Variants in OTUB1 observed in about 807,000 individuals in gnomAD.
The protein encoded by OTUB1 is OTU deubiquitinase, ubiquitin aldehyde binding 1.
A neutral mutation model predicts 35.8 loss-of-function variants in OTUB1; 10 were observed. The ratio of observed to expected loss-of-function variants is 0.28; its 90% confidence interval spans 0.17 to 0.47. The LOEUF (loss-of-function observed/expected upper bound fraction) is 0.47. Ranked by LOEUF, OTUB1 falls within the 20% of genes least tolerant of loss-of-function variation. The pLI, the probability that OTUB1 is intolerant of heterozygous loss-of-function variation, is 0.99. For missense variants in OTUB1, 264 were observed against 351.6 expected (o/e 0.75, Z 1.99); for synonymous variants, 158 against 143.8 (o/e 1.10, Z -0.71).
chr11:63,998,172 G>T lies in OTUB1; in HGVS notation c.*626G>T. On this transcript the variant is annotated 3_prime_UTR_variant, in exon 7 of 7. Coordinates refer to ENST00000538426, the MANE Select transcript of OTUB1 (RefSeq NM_017670.3). ...TGGTGGGGGAGGGCAGCCTTCAAACGTGTGGGGTCTACAGTCCTCAGGTCT... is the reference window on the plus strand; with the variant it reads ...TGGTGGGGGAGGGCAGCCTTCAAACTTGTGGGGTCTACAGTCCTCAGGTCT... 3.8e-6 allele frequency: 1 copy of T among 265,320 alleles called. No individual in the cohort carries two copies. Among genetic ancestry groups the T allele is most frequent in the South Asian group, 4.6e-5 (1 of 21,828 alleles). The allele number at this position is 265,320 out of a possible 1,614,324, so 16.4% of individuals were successfully genotyped here. A position where few individuals can be genotyped will look rare whatever the true frequency, so the allele number is the denominator to read the frequency against.
In OTUB1 at chr11:63,997,581, C is replaced by A. The variant is rs1477342238; in HGVS notation, c.*35C>A. On this transcript the variant is annotated 3_prime_UTR_variant, in exon 7 of 7. Coordinates refer to ENST00000538426, the MANE Select transcript of OTUB1 (RefSeq NM_017670.3). ...CAGCCCGCTGCTGCCCTGCTGCCCCCCTCTGCCAGGCGCTAGACATGTACA... is the reference window on the plus strand; with the variant it reads ...CAGCCCGCTGCTGCCCTGCTGCCCCACTCTGCCAGGCGCTAGACATGTACA... 6.3e-7 allele frequency: 1 copy of A among 1,578,476 alleles called. No individual in the cohort carries two copies. Among genetic ancestry groups the A allele is most frequent in the Non-Finnish European group, 8.7e-7 (1 of 1,148,988 alleles).
Position 63,997,074 on chromosome 11 carries a change from GAGA to G in OTUB1, c.451_453del (p.Lys151del). On this transcript the variant is annotated inframe_deletion, in exon 6 of 7. Coordinates refer to ENST00000538426, the MANE Select transcript of OTUB1 (RefSeq NM_017670.3). ...GTTCATGGACCTGATTGAGCAGGTG[GAGA>G]AGCAGACCTCTGTCGCCGACCTGCT... is the stretch of plus-strand genomic sequence containing the variant. The G allele has an allele frequency of 6.2e-7, 1 of 1,614,172 alleles. No individual in the cohort carries two copies. Among genetic ancestry groups the G allele is most frequent in the Non-Finnish European group, 8.5e-7 (1 of 1,180,002 alleles).
At chr11:63,988,974 A>G (rs1942645244) in intron 3 of OTUB1, 1 of 457,212 alleles carries the variant, frequency 2.2e-6, no homozygotes, top group Admixed American at 3.9e-5. Context: ...AGATCACACC[A>G]TTGCACTCCA....
intron 3 of OTUB1, among the ~76,000 whole-genome samples, chr11:63,992,205 A>T (rs1426489233): frequency 6.6e-6 from 1 of 150,514 alleles, no homozygotes; most frequent in Non-Finnish European, 1.5e-5. Context: ...CCAGAGCAAA[A>T]CTCCACCTCA....
At chr11:63,992,378 G>GT (rs1942680343) in intron 3 of OTUB1, among the ~76,000 whole-genome samples, 1 of 150,480 alleles carries the variant, frequency 6.6e-6, no homozygotes, top group Non-Finnish European at 1.5e-5. Flanking sequence ...GAGGCGAGAG[G>GT]GCACCTGGAT....
In OTUB1 at chr11:63,986,528, G is replaced by T; in HGVS notation, c.58+14G>T. 2 of 1,542,906 alleles carry T rather than the reference G, an allele frequency of 1.3e-6. No homozygotes were observed. The highest frequency in any genetic ancestry group is 1.8e-6 in the Non-Finnish European group (2 of 1,141,806). ...GCGACTCCGAAGGTACAGATCCAAG[G>T]AGGGATGTCCGGCCCGGGCTAGTGG... On this transcript the variant is annotated intron_variant, in intron 1 of 6. Transcript: ENST00000538426.
intron 3 of OTUB1, among the ~76,000 whole-genome samples, chr11:63,994,154 G>T (rs921135077): frequency 2.0e-5 from 3 of 152,126 alleles, no homozygotes; most frequent in African/African-American, 4.8e-5. Flanking sequence ...AAAAGTGGAA[G>T]CTGTCCCAGG....
At chr11:63,988,241 CT>C in intron 1 of OTUB1, 95 bp from the exon 2 acceptor site, 1 of 950,350 alleles carries the variant, frequency 1.1e-6, no homozygotes, top group Non-Finnish European at 1.6e-6. Context: ...CTAAGCCTGT[CT>C]TCCTGACCCT....
At chr11:63,988,250 C>T in intron 1 of OTUB1, 87 bp from the exon 2 acceptor site, 4 of 1,061,786 alleles carry the variant, frequency 3.8e-6, no homozygotes, top group Non-Finnish European at 4.2e-6. Flanking sequence ...TCTTCCTGAC[C>T]CTGGGCTGCT....
chr11:63,990,515 T>G (rs1942661551), intron 3 of OTUB1: 1 of 150,976 alleles, frequency 6.6e-6, no homozygotes, highest in Non-Finnish European at 1.5e-5. Context: ...GGAGGATCAC[T>G]TGAGCCCAAG....
rs369060063 is a variant in OTUB1, at chr11:63,986,732, C to T, written c.58+218C>T. The T allele has an allele frequency of 7.7e-4, 410 of 531,618 alleles. No homozygotes were observed. Among genetic ancestry groups the T allele is most frequent in the African/African-American group, 7.5e-3 (372 of 49,756 alleles). The allele number at this position is 531,618 out of a possible 1,614,324, so 32.9% of individuals were successfully genotyped here. Reference sequence around the variant, plus strand: ...GGAGCACGGGCGAGGCGGGCCAAGGCCCGCGGCCCTTCTCCATCGTGTGCG... The same window carrying T: ...GGAGCACGGGCGAGGCGGGCCAAGGTCCGCGGCCCTTCTCCATCGTGTGCG... On this transcript the variant is annotated intron_variant, in intron 1 of 6. Transcript: ENST00000538426.
intron 3 of OTUB1, among the ~76,000 whole-genome samples, chr11:63,993,491 A>G (rs929910497): frequency 6.6e-5 from 10 of 151,804 alleles, no homozygotes; most frequent in African/African-American, 1.7e-4. Flanking sequence ...GTGAAACCCC[A>G]TCTCTACTAA....
intron 1 of OTUB1, chr11:63,986,829 C>G: frequency 2.8e-6 from 1 of 351,560 alleles, no homozygotes; most frequent in South Asian, 7.2e-5. Flanking sequence ...GCCCCGAGCC[C>G]TCTCGCCCCT....
At chr11:63,990,350 C>G (rs941253265) in intron 3 of OTUB1, 3 of 152,188 alleles carry the variant, frequency 2.0e-5, no homozygotes, top group African/African-American at 7.2e-5. Flanking sequence ...GCCTGGAATC[C>G]TAGCACTTTG....
intron 3 of OTUB1, 104 bp downstream of exon 3, chr11:63,988,856 G>A: frequency 1.4e-6 from 1 of 726,544 alleles, no homozygotes; most frequent in Non-Finnish European, 2.5e-6. Context: ...AGGGAGTAGG[G>A]TGTTGGAGGA....
intron 3 of OTUB1, among the ~76,000 whole-genome samples, chr11:63,992,952 C>T (rs2134308577): frequency 6.6e-6 from 1 of 152,374 alleles, no homozygotes; most frequent in East Asian, 1.9e-4. Flanking sequence ...TCCCAAAGTG[C>T]TGGGATTACA....
rs190800944 is a variant in OTUB1 at position 63,997,337 on chromosome 11, C to T, written c.619-12C>T. On this transcript the variant is annotated splice_polypyrimidine_tract_variant and intron_variant, in intron 6 of 6. Coordinates refer to ENST00000538426, the MANE Select transcript of OTUB1 (RefSeq NM_017670.3). ...TGCGGAGACCAGGGCCTGACCGGCA[C>T]CTGTGCCACAGGAGGTGGAGCCCAT... is the stretch of plus-strand genomic sequence containing the variant. 39,979 of 1,613,826 alleles carry T rather than the reference C, an allele frequency of 0.025. 574 individuals are homozygous for T. The highest frequency in any genetic ancestry group is 0.03 in the Non-Finnish European group (35,675 of 1,179,852).
At chr11:63,986,633 C>T in intron 1 of OTUB1, 119 bp downstream of exon 1, 1 of 802,434 alleles carries the variant, frequency 1.2e-6, no homozygotes, top group Non-Finnish European at 1.9e-6. Context: ...CGCGAGGGGT[C>T]CCTTCCTCCA....
At chr11:63,993,992 C>T (rs553872543) in intron 3 of OTUB1, among the ~76,000 whole-genome samples, 31 of 152,052 alleles carry the variant, frequency 2.0e-4, no homozygotes, top group South Asian at 6.2e-4. Context: ...ATGGGTGTGG[C>T]GGTGTGCACC....
Sources: allele counts gnomAD v4.1 joint callset (sites outside exome capture counted in the v4.1 genomes callset), GRCh38; gene constraint gnomAD v4.1.1; transcripts MANE v1.5; gene names NCBI Gene and HGNC (gene_info 2026-07-23, HGNC 2026-07-21).